NWD2: variants seen among roughly 807,000 people sequenced by gnomAD.
The protein encoded by NWD2 is NACHT and WD repeat domain containing 2.
NWD2 carries 37 observed loss-of-function variants against 132.7 expected under a neutral mutation model. The observed-to-expected ratio is 0.28, with a 90% CI of 0.21 to 0.37. The LOEUF (loss-of-function observed/expected upper bound fraction) is 0.37, where lower values mean the gene tolerates loss of function less well. NWD2 is among the 10% of genes least tolerant of loss of function. The pLI is 1.00. For synonymous variants in NWD2, 705 were observed against 803.0 expected, an observed-to-expected ratio of 0.88 and a Z score of 2.06; for missense variants, 1,592 against 2,122.4, an observed-to-expected ratio of 0.75 and a Z score of 4.91.
intron 2 of NWD2, among the ~76,000 whole-genome samples, chr4:37,353,310 C>T (rs551823207): frequency 5.9e-5 from 9 of 152,228 alleles, no homozygotes; most frequent in East Asian, 3.9e-4. Context: ...GTGAATCTGA[C>T]GATTATGTGT....
intron 2 of NWD2, among the ~76,000 whole-genome samples, chr4:37,345,992 G>A (rs1719628883): frequency 6.7e-6 from 1 of 150,278 alleles, no homozygotes; most frequent in Non-Finnish European, 1.5e-5. Flanking sequence ...GAGGCAGGGA[G>A]AATCGCTTGA....
At chr4:37,335,823 A>C (rs1324941011) in intron 2 of NWD2, among the ~76,000 whole-genome samples, 1 of 149,676 alleles carries the variant, frequency 6.7e-6, no homozygotes, top group African/African-American at 2.5e-5. Context: ...CTGGTGCCAA[A>C]AAGTTTTGGG....
At chr4:37,405,661 G>A (rs1172364413) in intron 3 of NWD2, among the ~76,000 whole-genome samples, 1 of 152,138 alleles carries the variant, frequency 6.6e-6, no homozygotes, top group African/African-American at 2.4e-5. Context: ...TGTTTTCCTT[G>A]CTGTAGGTCT....
At position 37,449,096 on chromosome 4, in the gene NWD2, C is replaced by A. The variant is rs917608833; in HGVS notation, c.*1879C>A. The A allele has an allele frequency of 3.9e-5, 6 of 152,148 alleles. No individual in the cohort carries two copies. The highest frequency in any genetic ancestry group is 1.4e-4 in the African/African-American group (6 of 41,432). 9.4% of individuals were successfully genotyped at this position (152,148 alleles called of 1,614,324 possible). The stretch of plus-strand genomic sequence containing the variant: ...GATTATATGAGTCTATGCTTTTGAG[C>A]TCTTTAGGCAACACATTCTCATTCC... On this transcript the variant is annotated 3_prime_UTR_variant, in exon 7 of 7. Transcript: ENST00000309447.
At chr4:37,352,635 A>T (rs1453502605) in intron 2 of NWD2, among the ~76,000 whole-genome samples, 1 of 151,934 alleles carries the variant, frequency 6.6e-6, no homozygotes, top group African/African-American at 2.4e-5. Context: ...GTCTATTTTG[A>T]TCTTTGTTGG....
chr4:37,349,753 C>A (rs1719724028), intron 2 of NWD2, among the ~76,000 whole-genome samples: 1 of 152,182 alleles, frequency 6.6e-6, no homozygotes, highest in African/African-American at 2.4e-5. Flanking sequence ...GTCATGAAGT[C>A]TTTGCCCATG....
rs1220866037 is a variant in NWD2 at position 37,443,839 on chromosome 4, C to T, written c.1851C>T (p.Phe617=). ...CTLPMFVNLT[F]REVRHWRSHK... ...TGCCAATGTTTGTGAACCTGACCTTCAGGGAGGTGAGGCACTGGAGATCTC... is the reference window on the plus strand; with the variant it reads ...TGCCAATGTTTGTGAACCTGACCTTTAGGGAGGTGAGGCACTGGAGATCTC... Residue 617 remains phenylalanine (F), a synonymous_variant, in exon 7 of 7, where the codon TTC becomes TTT. Transcript: ENST00000309447. The surrounding 1 kb of genome is among the most constrained non-coding windows in gnomAD (Gnocchi z 4.1). 3 of 1,552,094 alleles carry T rather than the reference C, an allele frequency of 1.9e-6. No homozygotes were observed. The highest frequency in any genetic ancestry group is 2.4e-5 in the East Asian group (1 of 40,932).
intron 3 of NWD2, among the ~76,000 whole-genome samples, chr4:37,410,292 T>C (rs1167860629): frequency 1.3e-5 from 2 of 151,532 alleles, no homozygotes; most frequent in African/African-American, 4.9e-5. Context: ...AGGCTCAAAA[T>C]AAAGGGATGG....
At chr4:37,410,341 C>G (rs1230984330) in intron 3 of NWD2, among the ~76,000 whole-genome samples, 2 of 152,050 alleles carry the variant, frequency 1.3e-5, no homozygotes. Flanking sequence ...AAAAAAAAGG[C>G]AGGAGTTGCA....
At chr4:37,257,180 G>A (rs1717538545) in intron 1 of NWD2, among the ~76,000 whole-genome samples, 1 of 152,200 alleles carries the variant, frequency 6.6e-6, no homozygotes, top group South Asian at 2.1e-4. Flanking sequence ...CCCCCGTTGA[G>A]CTTCCCCAGC....
intron 2 of NWD2, among the ~76,000 whole-genome samples, chr4:37,349,934 A>T (rs2109298297): frequency 6.6e-6 from 1 of 152,308 alleles, no homozygotes; most frequent in Non-Finnish European, 1.5e-5. Flanking sequence ...ACCATTTATT[A>T]AATAGGGAAT....
chr4:37,287,167 C>T (rs911880207), intron 1 of NWD2, among the ~76,000 whole-genome samples: 2 of 152,174 alleles, frequency 1.3e-5, no homozygotes, highest in East Asian at 1.9e-4. Context: ...AACACGGATC[C>T]GAAGATCCCA....
chr4:37,387,149 CCAGTGGAA>C, intron 3 of NWD2, among the ~76,000 whole-genome samples: 1 of 152,058 alleles, frequency 6.6e-6, no homozygotes, highest in Non-Finnish European at 1.5e-5. Context: ...TCATCATCAT[CCAGTGGAA>C]ATTAAGATGA....
chr4:37,360,814 A>G (rs1366946838), intron 3 of NWD2, among the ~76,000 whole-genome samples: 1 of 152,146 alleles, frequency 6.6e-6, no homozygotes, highest in Non-Finnish European at 1.5e-5. Flanking sequence ...CTGCATATTT[A>G]TAGGGAAGAG....
chr4:37,294,564 A>G (rs1330850007), intron 1 of NWD2, among the ~76,000 whole-genome samples: 1 of 152,226 alleles, frequency 6.6e-6, no homozygotes, highest in Non-Finnish European at 1.5e-5. Flanking sequence ...ACATTGACAA[A>G]GAAGATGTAG....
intron 1 of NWD2, among the ~76,000 whole-genome samples, chr4:37,299,494 G>A (rs1718567424): frequency 6.6e-6 from 1 of 151,988 alleles, no homozygotes; most frequent in African/African-American, 2.4e-5. Flanking sequence ...AATCAGTCTT[G>A]TATCTAGAAT....
intron 2 of NWD2, among the ~76,000 whole-genome samples, chr4:37,347,333 A>G (rs1485262002): frequency 6.6e-6 from 1 of 152,158 alleles, no homozygotes; most frequent in African/African-American, 2.4e-5. Context: ...ATTTGTTTAT[A>G]GTATTGTCAA....
At position 37,446,221 on chromosome 4, in the gene NWD2, T is replaced by G; in HGVS notation, c.4233T>G (p.Phe1411Leu). ...TGCTGATTACACACAATGACCAGTT[T>G]GTGGTCTCGCTCTGTGAGGAAAATG... ...SQLLITHNDQ[F>L]VVSLCEENAS... is the part of the protein sequence containing the mutation. The change falls in exon 7 of 7, where the codon TTT becomes TTG. Residue 1411 changes from phenylalanine to leucine, a missense_variant. Physicochemically the swap from Phe to Leu is conservative, Grantham distance 22. This residue lies in a region of NWD2 where 1,071 missense variants were observed against 1,398.0 expected (regional missense o/e 0.77). Transcript: ENST00000309447. The surrounding 1 kb of genome is among the most constrained non-coding windows in gnomAD (Gnocchi z 6.7). 1 of 1,551,744 alleles carries G rather than the reference T, an allele frequency of 6.4e-7. No homozygotes were observed. The highest frequency in any genetic ancestry group is 8.7e-7 in the Non-Finnish European group (1 of 1,147,012).
intron 3 of NWD2, among the ~76,000 whole-genome samples, chr4:37,374,842 GAAAACTTTTT>G (rs1410034952): frequency 6.6e-6 from 1 of 152,160 alleles, no homozygotes; most frequent in Non-Finnish European, 1.5e-5. Flanking sequence ...TTACAAGTAA[GAAAACTTTTT>G]AAATTATGAG....
Sources: allele counts gnomAD v4.1 joint callset (sites outside exome capture counted in the v4.1 genomes callset), GRCh38; gene constraint gnomAD v4.1.1; regional missense constraint gnomAD v4.1.1; non-coding constraint Gnocchi (gnomAD v3.1); transcripts MANE v1.5; gene names NCBI Gene and HGNC (gene_info 2026-07-23, HGNC 2026-07-21).